The following GSE1 variants were observed in gnomAD, a reference collection of about 807,000 sequenced individuals.
The protein encoded by GSE1 is Gse1 coiled-coil protein.
GSE1 carries 32 observed loss-of-function variants against 112.6 expected under a neutral mutation model. The observed-to-expected ratio is 0.28, with a 90% CI of 0.21 to 0.38. GSE1 has a LOEUF of 0.38. Among genes scored for constraint, GSE1 ranks in the 10% least tolerant of loss-of-function variants. The pLI, the probability that GSE1 is intolerant of heterozygous loss-of-function variation, is 1.00. For synonymous variants in GSE1, 1,115 were observed against 735.6 expected (o/e 1.52, Z -8.35); for missense variants, 2,348 against 1,699.2 (o/e 1.38, Z -6.71).
At chr16:85,494,269 G>A (rs928015106) in intron 2 of GSE1, among the ~76,000 whole-genome samples, 1 of 152,162 alleles carries the variant, frequency 6.6e-6, no homozygotes. Context: ...ACTTCTGGTG[G>A]CTTCTGGTGG....
intron 1 of GSE1, among the ~76,000 whole-genome samples, chr16:85,565,068 TGTCA>T (rs2045681935): frequency 6.6e-6 from 1 of 151,958 alleles, no homozygotes; most frequent in Non-Finnish European, 1.5e-5. Flanking sequence ...TCGATTCTGT[TGTCA>T]GTGAGTGGGA....
intron 2 of GSE1, among the ~76,000 whole-genome samples, chr16:85,474,653 C>T (rs1272956773): frequency 1.4e-5 from 2 of 138,910 alleles, no homozygotes; most frequent in South Asian, 2.7e-4. Flanking sequence ...TCCTCTTGCC[C>T]CCCCTCTTCC....
chr16:85,605,060 G>A (rs1249634933), intron 1 of GSE1, among the ~76,000 whole-genome samples: 20 of 150,232 alleles, frequency 1.3e-4, no homozygotes, highest in Admixed American at 8.0e-4. Flanking sequence ...CTTGTGATCC[G>A]TCCGCCTCGG....
intron 2 of GSE1, among the ~76,000 whole-genome samples, chr16:85,387,558 C>T (rs1351096571): frequency 6.6e-6 from 1 of 152,252 alleles, no homozygotes; most frequent in Non-Finnish European, 1.5e-5. Context: ...GATCACCTGA[C>T]CTGGTGGCCC....
intron 2 of GSE1, among the ~76,000 whole-genome samples, chr16:85,478,752 C>T (rs1230052942): frequency 2.0e-5 from 3 of 151,166 alleles, no homozygotes; most frequent in Non-Finnish European, 4.4e-5. Flanking sequence ...ACTGCAACCT[C>T]TGCCTCCCAA....
chr16:85,215,282 C>G (rs1821296428), intron 1 of GSE1, among the ~76,000 whole-genome samples: 2 of 152,180 alleles, frequency 1.3e-5, no homozygotes, highest in Non-Finnish European at 2.9e-5. Flanking sequence ...AACCATTATT[C>G]TAAGTGAAGT....
intron 2 of GSE1, among the ~76,000 whole-genome samples, chr16:85,479,848 T>A (rs573568417): frequency 6.6e-6 from 1 of 152,238 alleles, no homozygotes; most frequent in East Asian, 1.9e-4. Context: ...TAATTCCTAG[T>A]ACAGAGTGGG....
intron 2 of GSE1, among the ~76,000 whole-genome samples, chr16:85,541,368 C>T (rs549647507): frequency 7.9e-5 from 12 of 152,356 alleles, no homozygotes; most frequent in South Asian, 6.2e-4. Context: ...CTGCCAGAGG[C>T]GGAGCCTGGG....
chr16:85,245,967 TG>T (rs953727850), intron 1 of GSE1, among the ~76,000 whole-genome samples: 1 of 149,068 alleles, frequency 6.7e-6, no homozygotes, highest in African/African-American at 2.5e-5. Context: ...CGTGTGTGTG[TG>T]GGGGGCTGTC....
intron 2 of GSE1, among the ~76,000 whole-genome samples, chr16:85,363,949 A>G (rs1315836178): frequency 6.6e-6 from 1 of 152,198 alleles, no homozygotes; most frequent in Non-Finnish European, 1.5e-5. Context: ...CTTACTTAAG[A>G]AGAGGTCTGT....
intron 1 of GSE1, among the ~76,000 whole-genome samples, chr16:85,601,793 C>G (rs868746131): frequency 3.9e-5 from 6 of 152,330 alleles, no homozygotes; most frequent in Non-Finnish European, 7.3e-5. Context: ...CTTGACCCCG[C>G]GTCCCCAGGG....
chr16:85,402,034 C>T (rs545338762), intron 2 of GSE1, among the ~76,000 whole-genome samples: 5 of 152,314 alleles, frequency 3.3e-5, no homozygotes, highest in African/African-American at 9.6e-5. Context: ...AACTGGAGCC[C>T]GGAGACGTTG....
intron 1 of GSE1, among the ~76,000 whole-genome samples, chr16:85,562,523 A>G (rs1264510493): frequency 3.3e-5 from 5 of 152,220 alleles, no homozygotes; most frequent in African/African-American, 1.2e-4. Flanking sequence ...GCAAATGGTC[A>G]TTATGTTACC....
intron 15 of GSE1, chr16:85,672,176 T>C (rs748820275): frequency 4.7e-5 from 25 of 526,736 alleles, no homozygotes; most frequent in Non-Finnish European, 6.1e-5. Context: ...TTTTTTTGTT[T>C]AGTAGATGGG....
At chr16:85,439,448 G>T (rs188197529) in intron 2 of GSE1, among the ~76,000 whole-genome samples, 7 of 152,218 alleles carry the variant, frequency 4.6e-5, no homozygotes, top group Non-Finnish European at 7.3e-5. Context: ...CGAGCAGGAG[G>T]GGGAGAGACA....
chr16:85,628,569 G>A (rs758815165), intron 1 of GSE1, among the ~76,000 whole-genome samples: 1 of 152,164 alleles, frequency 6.6e-6, no homozygotes, highest in Non-Finnish European at 1.5e-5. Flanking sequence ...GGAGCTGTGG[G>A]TGAGGGCTCA....
At chr16:85,242,433 G>C (rs542392182) in intron 1 of GSE1, among the ~76,000 whole-genome samples, 1 of 152,242 alleles carries the variant, frequency 6.6e-6, no homozygotes, top group African/African-American at 2.4e-5. Flanking sequence ...AGTTGGTGAA[G>C]GCCACCTTCC....
chr16:85,184,461 A>C (rs2143353144), intron 1 of GSE1, among the ~76,000 whole-genome samples: 1 of 152,358 alleles, frequency 6.6e-6, no homozygotes, highest in East Asian at 1.9e-4. Flanking sequence ...ATTATACTTA[A>C]GAAGGGGGCC....
Position 85,601,431 on chromosome 16 carries a change from A to G in GSE1, c.37+45068A>G, listed in dbSNP as rs560521132. 2.6e-5 allele frequency among the ~76,000 whole-genome samples: 4 copies of G among 152,106 alleles called. No individual in the cohort carries two copies. The South Asian group carries it at 6.2e-4, about 24-fold the overall frequency. ...GGCTGGTGGGGAGGAGGCCTTTCAG[A>G]ATGGGAGCTCAAAGACAGGCCAGAG... On this transcript the variant is annotated intron_variant, in intron 1 of 2. Transcript: ENST00000635906.
Sources: gnomAD v4.1 joint callset for allele counts (sites outside exome capture counted in the v4.1 genomes callset) on GRCh38, gnomAD v4.1.1 for gene constraint, MANE v1.5 for transcripts, NCBI Gene and HGNC (gene_info 2026-07-23, HGNC 2026-07-21) for gene names.